KIAA0825: variants seen among roughly 807,000 people sequenced by gnomAD.
KIAA0825 encodes uncharacterized protein KIAA0825.
Under a neutral mutation model 147.6 loss-of-function variants are expected in KIAA0825, and 119 were observed. The ratio of observed to expected loss-of-function variants is 0.81; its 90% confidence interval spans 0.69 to 0.94. The LOEUF (loss-of-function observed/expected upper bound fraction) is 0.94. Ranked by LOEUF, KIAA0825 falls within the 40% of genes least tolerant of loss-of-function variation. KIAA0825 has a pLI of 0.00. For missense variants in KIAA0825, 1,381 were observed against 1,472.7 expected, an observed-to-expected ratio of 0.94 and a Z score of 1.02; for synonymous variants, 470 against 518.1, an observed-to-expected ratio of 0.91 and a Z score of 1.26.
rs1254551713 is a variant in KIAA0825 at position 94,537,000 on chromosome 5, C to A, written c.127G>T (p.Ala43Ser). The stretch of plus-strand genomic sequence containing the variant: ...TAAATAATTAACAATATTTACCTTG[C>A]AGCATTTTGTTCAATCTTTTCATCA... ...DIDEKIEQNAASIKHCIKEIQ... is the reference protein window; with the variant it reads ...DIDEKIEQNASSIKHCIKEIQ... Residue 43 changes from alanine to serine, a missense_variant, in exon 3 of 21, where the codon GCA becomes TCA. Coordinates refer to ENST00000682413, the MANE Select transcript of KIAA0825 (RefSeq NM_001145678.3). 1 of 1,594,556 alleles carries A rather than the reference C, an allele frequency of 6.3e-7. No individual in the cohort carries two copies. Among genetic ancestry groups the A allele is most frequent in the Non-Finnish European group, 8.6e-7 (1 of 1,168,476 alleles).
intron 1 of KIAA0825, among the ~76,000 whole-genome samples, chr5:94,591,345 T>C (rs1352905413): frequency 6.6e-6 from 1 of 152,242 alleles, no homozygotes; most frequent in African/African-American, 2.4e-5. Flanking sequence ...CCTTACCTTT[T>C]AGTGCAAGCC....
intron 20 of KIAA0825, among the ~76,000 whole-genome samples, chr5:94,237,065 G>C (rs1156754378): frequency 6.6e-6 from 1 of 151,926 alleles, no homozygotes; most frequent in Non-Finnish European, 1.5e-5. Flanking sequence ...GTGTGTGTGT[G>C]TGTGTGTCTG....
At chr5:94,595,246 T>A (rs1785071759) in intron 1 of KIAA0825, among the ~76,000 whole-genome samples, 2 of 152,220 alleles carry the variant, frequency 1.3e-5, no homozygotes, top group Admixed American at 6.5e-5. Flanking sequence ...GCAGCACACC[T>A]CTGTCTGGAC....
chr5:94,361,187 A>G (rs569976458), intron 20 of KIAA0825, among the ~76,000 whole-genome samples: 1 of 152,292 alleles, frequency 6.6e-6, no homozygotes, highest in East Asian at 1.9e-4. Context: ...AAGTGCTAAA[A>G]CCTTTTCATT....
chr5:94,307,314 T>C (rs1043017826), intron 20 of KIAA0825, among the ~76,000 whole-genome samples: 1 of 151,784 alleles, frequency 6.6e-6, no homozygotes, highest in African/African-American at 2.4e-5. Flanking sequence ...TATCTACTTT[T>C]CCCCTCACTT....
At chr5:94,457,870 C>A (rs901166210) in intron 12 of KIAA0825, among the ~76,000 whole-genome samples, 1 of 152,122 alleles carries the variant, frequency 6.6e-6, no homozygotes, top group African/African-American at 2.4e-5. Context: ...ATTAAGGTAG[C>A]CCAAGGATGT....
At chr5:94,214,041 G>T (rs1386437918) in intron 20 of KIAA0825, among the ~76,000 whole-genome samples, 6 of 152,026 alleles carry the variant, frequency 3.9e-5, no homozygotes, top group Non-Finnish European at 5.9e-5. Flanking sequence ...TCATTTTTTA[G>T]AGATGGAGTC....
At chr5:94,502,919 G>A (rs1405148103) in intron 5 of KIAA0825, among the ~76,000 whole-genome samples, 1 of 151,818 alleles carries the variant, frequency 6.6e-6, no homozygotes, top group Non-Finnish European at 1.5e-5. Flanking sequence ...GACCAGCCTG[G>A]CCAACATGGT....
At chr5:94,448,483 T>C (rs1018425778) in intron 13 of KIAA0825, among the ~76,000 whole-genome samples, 3 of 152,122 alleles carry the variant, frequency 2.0e-5, no homozygotes, top group African/African-American at 4.8e-5. Context: ...TAATTAATTA[T>C]CTTAGTTTAT....
chr5:94,580,660 A>T lies in KIAA0825; in HGVS notation c.-2+1773T>A, dbSNP rs1242510539. Among the ~76,000 whole-genome samples the T allele has an allele frequency of 2.9e-5, 3 of 103,884 alleles. No homozygotes were observed. The East Asian group carries it at 7.1e-4, about 25-fold the overall frequency. The allele number at this position is 103,884 out of a possible 152,430, so 68.2% of individuals were successfully genotyped here. On this transcript the variant is annotated intron_variant, in intron 2 of 20. Transcript: ENST00000682413. The stretch of plus-strand genomic sequence containing the variant: ...GGGAGGCCGAGGCGGGCGGATCACG[A>T]GGTCAGGAGATCGAGACCATCCCGG...
At chr5:94,564,957 C>A (rs1778342071) in intron 2 of KIAA0825, among the ~76,000 whole-genome samples, 1 of 135,634 alleles carries the variant, frequency 7.4e-6, no homozygotes, top group African/African-American at 2.7e-5. Context: ...CTTTTCTTTT[C>A]TTTTCTTTTC....
At chr5:94,319,841 C>T (rs1779996134) in intron 20 of KIAA0825, among the ~76,000 whole-genome samples, 1 of 151,898 alleles carries the variant, frequency 6.6e-6, no homozygotes, top group African/African-American at 2.4e-5. Flanking sequence ...AACTCCAACA[C>T]CTTCCAAAGA....
At position 94,396,435 on chromosome 5, in the gene KIAA0825, G is replaced by T. The variant is rs199544884; in HGVS notation, c.2962C>A (p.Pro988Thr). The change falls in exon 17 of 21, where the codon CCC (proline) becomes ACC (threonine). Residue 988 changes from proline to threonine, a missense_variant. Physicochemically the swap from Pro to Thr is conservative, Grantham distance 38. Coordinates refer to ENST00000682413, the MANE Select transcript of KIAA0825 (RefSeq NM_001145678.3). ...KLPTVIACLP[P>T]PVKYFFFLSE... ...AGAAAAAAGAAGTATTTAACTGGGG[G>T]AGGCAAACATGCAATCACCGTAGGT... is the stretch of plus-strand genomic sequence containing the variant. 5.8e-6 allele frequency: 9 copies of T among 1,546,442 alleles called. No individual in the cohort carries two copies. The East Asian group carries it at 1.7e-4, about 29-fold the overall frequency.
intron 20 of KIAA0825, among the ~76,000 whole-genome samples, chr5:94,206,731 C>T (rs969571080): frequency 2.0e-5 from 3 of 152,124 alleles, no homozygotes; most frequent in Admixed American, 2.0e-4. Context: ...TTCTTTTTAT[C>T]TCTTTCCCTT....
chr5:94,544,880 G>T (rs939578107), intron 2 of KIAA0825, among the ~76,000 whole-genome samples: 10 of 152,070 alleles, frequency 6.6e-5, no homozygotes, highest in Admixed American at 5.2e-4. Flanking sequence ...ACAAAAAGCA[G>T]TGTTATAAGA....
rs1451892662 is a variant in KIAA0825, at chr5:94,453,956, A to G, written c.2247-887T>C. On this transcript the variant is annotated intron_variant, in intron 12 of 20. Coordinates refer to ENST00000682413, the MANE Select transcript of KIAA0825 (RefSeq NM_001145678.3). The stretch of plus-strand genomic sequence containing the variant: ...TTATAATTAATTTTTTATGCTCCTA[A>G]GGATCTAGAGAGGGCTTATAAAGAA... Among the ~76,000 whole-genome samples the G allele has an allele frequency of 2.6e-5, 4 of 152,008 alleles. No homozygotes were observed. In the East Asian group the frequency reaches 7.7e-4, roughly 29 times the overall value.
chr5:94,347,217 CTACCCACCCTAGTAGCAGAAAAGGGCATA>C (rs1347395678), intron 20 of KIAA0825, among the ~76,000 whole-genome samples: 8 of 152,230 alleles, frequency 5.3e-5, no homozygotes, highest in Admixed American at 3.9e-4. Context: ...TGGTCCTTCC[CTACCCACCCTAGTAGCAGAAAAGGGCATA>C]TAATCGGGAG....
intron 12 of KIAA0825, among the ~76,000 whole-genome samples, chr5:94,454,171 T>C (rs553184206): frequency 6.6e-6 from 1 of 152,336 alleles, no homozygotes; most frequent in South Asian, 2.1e-4. Flanking sequence ...TAGTAACAAA[T>C]GTATAACAAC....
intron 2 of KIAA0825, among the ~76,000 whole-genome samples, chr5:94,580,562 G>A (rs1051511149): frequency 2.7e-5 from 4 of 149,602 alleles, no homozygotes; most frequent in Non-Finnish European, 4.4e-5. Flanking sequence ...TTTGTCTGCT[G>A]TGGTACTAGG....
Sources: gnomAD v4.1 joint callset for allele counts (sites outside exome capture counted in the v4.1 genomes callset) on GRCh38, gnomAD v4.1.1 for gene constraint, MANE v1.5 for transcripts, NCBI Gene and HGNC (gene_info 2026-07-23, HGNC 2026-07-21) for gene names.